The following SPATA31A6 variants were observed in gnomAD, a reference collection of about 807,000 sequenced individuals.
The protein encoded by SPATA31A6 is SPATA31 subfamily A member 6.
In SPATA31A6, 9 loss-of-function variants were observed where a neutral mutation model predicts 11.9. That is an observed-to-expected ratio of 0.76 (90% CI 0.46 to 1.32). SPATA31A6 has a LOEUF of 1.32. Among genes scored for constraint, SPATA31A6 ranks in the 40% most tolerant of loss-of-function variants. SPATA31A6 has a pLI of 0.00. For missense variants in SPATA31A6, 855 were observed against 1,467.3 expected, an observed-to-expected ratio of 0.58 and a Z score of 6.82; for synonymous variants, 314 against 572.1, an observed-to-expected ratio of 0.55 and a Z score of 6.44.
In SPATA31A6 at chr9:42,189,412, C is replaced by T. The variant is rs538812666; in HGVS notation, c.3710C>T (p.Ala1237Val). Residue 1237 changes from alanine (A) to valine (V), a missense_variant, in exon 4 of 4, where the codon GCC becomes GTC. Coordinates refer to ENST00000332857, the MANE Select transcript of SPATA31A6 (RefSeq NM_001145196.1). ...KVNQHKQKFQ[A>V]PVCGFPCNHR... ...AATCAGCACAAACAGAAGTTTCAAG[C>T]CCCAGTCTGTGGGTTTCCCTGCAAC... 1.2e-5 allele frequency: 18 copies of T among 1,564,612 alleles called. No homozygotes were observed. Among genetic ancestry groups the T allele is most frequent in the African/African-American group, 4.7e-5 (3 of 63,566 alleles).
chr9:42,186,546 C>G lies in SPATA31A6; in HGVS notation c.844C>G (p.Arg282Gly). 6.6e-7 allele frequency: 1 copy of G among 1,521,378 alleles called. No individual in the cohort carries two copies. The highest frequency in any genetic ancestry group is 1.2e-5 in the South Asian group (1 of 86,238). The allele number at this position is 1,521,378 out of a possible 1,614,324, so 94.2% of individuals were successfully genotyped here. ...GSNSHVSASS[R>G]WQETARTSCA... Reference sequence around the variant, plus strand: ...AAACAGTCATGTTTCTGCCTCCTCCCGGTGGCAGGAGACTGCCAGAACCTC... The same window carrying G: ...AAACAGTCATGTTTCTGCCTCCTCCGGGTGGCAGGAGACTGCCAGAACCTC... The change falls in exon 4 of 4, where the codon CGG becomes GGG. Residue 282 changes from arginine (R) to glycine (G), a missense_variant. Arg to Gly is a moderately radical substitution (Grantham distance 125). Transcript: ENST00000332857.
Position 42,183,854 on chromosome 9 carries a change from C to T in SPATA31A6, c.167C>T (p.Ser56Leu), listed in dbSNP as rs1197276277. ...TACTTCCATTGTGATGACCCACCCT[C>T]ACCATCGCCTGGGAAGAGAAAGGTA... ...LSYFHCDDPP[S>L]PSPGKRKCPV... Residue 56 changes from serine to leucine, a missense_variant, in exon 1 of 4, where the codon TCA (serine) becomes TTA (leucine). Transcript: ENST00000332857. The T allele has an allele frequency of 3.9e-6, 6 of 1,532,532 alleles. 1 individual carries two copies. Among genetic ancestry groups the T allele is most frequent in the Non-Finnish European group, 5.3e-6 (6 of 1,137,768 alleles). The allele number at this position is 1,532,532 out of a possible 1,614,324, so 94.9% of individuals were successfully genotyped here. A position where few individuals can be genotyped will look rare whatever the true frequency, so the allele number is the denominator to read the frequency against.
At chr9:42,184,960 G>A (rs1829417746) in intron 1 of SPATA31A6, 109 bp from the exon 2 acceptor site, 6 of 1,394,954 alleles carry the variant, frequency 4.3e-6, no homozygotes, top group Non-Finnish European at 5.9e-6. Flanking sequence ...CTGCGGCTGG[G>A]CTGGAGCAGA....
Position 42,183,836 on chromosome 9 carries a change from A to C in SPATA31A6, c.149A>C (p.His50Pro), listed in dbSNP as rs2261048. 2.8e-5 allele frequency: 43 copies of C among 1,530,464 alleles called. 5 individuals are homozygous for C. In the East Asian group the frequency reaches 8.9e-4, roughly 32 times the overall value. The allele number at this position is 1,530,464 out of a possible 1,614,324, so 94.8% of individuals were successfully genotyped here. Residue 50 changes from histidine to proline, a missense_variant, in exon 1 of 4, where the codon CAT becomes CCT. By Grantham distance (77) the His-to-Pro change is moderately conservative. Coordinates refer to ENST00000332857, the MANE Select transcript of SPATA31A6 (RefSeq NM_001145196.1). ...FLLLPYLSYF[H>P]CDDPPSPSPG... ...TTACTCCCCTACTTATCTTACTTCC[A>C]TTGTGATGACCCACCCTCACCATCG... is the stretch of plus-strand genomic sequence containing the variant.
Position 42,187,674 on chromosome 9 carries a change from C to T in SPATA31A6, c.1972C>T (p.Gln658Ter), listed in dbSNP as rs755078183. The T allele has an allele frequency of 3.3e-6, 5 of 1,518,756 alleles. 2 individuals are homozygous for T. The African/African-American group carries it at 8.5e-5, about 26-fold the overall frequency. 94.1% of individuals were successfully genotyped at this position (1,518,756 alleles called of 1,614,324 possible). A position where few individuals can be genotyped will look rare whatever the true frequency, so the allele number is the denominator to read the frequency against. ...CAAGGAGGCACAGAAGGTGAAGTTC[C>T]AGCTAGAGAGGGACCTGTGCCCACA... is the stretch of plus-strand genomic sequence containing the variant. ...SSKEAQKVKF[Q>*]LERDLCPHLG... The change falls in exon 4 of 4, where the codon CAG (glutamine) becomes TAG (stop). Residue 658 changes from glutamine to a stop codon, truncating the protein, a stop_gained. Transcript: ENST00000332857. LOFTEE classifies it low-confidence loss of function (END_TRUNC).
intron 1 of SPATA31A6, among the ~76,000 whole-genome samples, chr9:42,184,561 G>A (rs1409114991): frequency 1.6e-5 from 2 of 121,228 alleles, no homozygotes. Flanking sequence ...ATGGAGTCTC[G>A]CTCTGTGACG....
In SPATA31A6 at chr9:42,186,496, C is replaced by A; in HGVS notation, c.794C>A (p.Pro265Gln). 2 of 1,506,966 alleles carry A rather than the reference C, an allele frequency of 1.3e-6. No individual in the cohort carries two copies. Among genetic ancestry groups the A allele is most frequent in the Non-Finnish European group, 1.8e-6 (2 of 1,129,922 alleles). The allele number at this position is 1,506,966 out of a possible 1,614,324, so 93.3% of individuals were successfully genotyped here. A position where few individuals can be genotyped will look rare whatever the true frequency, so the allele number is the denominator to read the frequency against. Residue 265 changes from proline (P) to glutamine (Q), a missense_variant, in exon 4 of 4, where the codon CCA becomes CAA. Physicochemically the swap from Pro to Gln is moderately conservative, Grantham distance 76 (BLOSUM62 -1). Transcript: ENST00000332857. ...CATGAGGATTTGGTGGCTTCTGTCCCAGCCATCTCAGGCCTTGGTGGCTCA... is the reference window on the plus strand; with the variant it reads ...CATGAGGATTTGGTGGCTTCTGTCCAAGCCATCTCAGGCCTTGGTGGCTCA... ...SPHEDLVASVPAISGLGGSNS... is the reference protein window; with the variant it reads ...SPHEDLVASVQAISGLGGSNS...
intron 3 of SPATA31A6, 90 bp downstream of exon 3, chr9:42,185,845 G>A: frequency 1.6e-6 from 2 of 1,230,278 alleles, no homozygotes; most frequent in African/African-American, 3.8e-5. Context: ...CCTGGGATGG[G>A]GAGACCAGGG....
intron 1 of SPATA31A6, among the ~76,000 whole-genome samples, chr9:42,184,175 C>A (rs1279585361): frequency 7.3e-6 from 1 of 137,622 alleles, no homozygotes; most frequent in Non-Finnish European, 1.6e-5. Context: ...GGTCTCTGTC[C>A]GAGACCAGGC....
chr9:42,189,258 C>T lies in SPATA31A6; in HGVS notation c.3556C>T (p.Gln1186Ter). ...SKPAPVTAESQKTVKNRSCVY... is the reference protein window; with the variant it reads ...SKPAPVTAES ...GCCAGCACCAGTCACTGCTGAGAGC[C>T]AAAAAACAGTAAAAAACAGATCATG... The change falls in exon 4 of 4, where the codon CAA (glutamine) becomes TAA (stop). Residue 1186 changes from glutamine (Q) to a stop codon, truncating the protein, a stop_gained. Transcript: ENST00000332857. LOFTEE classifies it low-confidence loss of function (END_TRUNC). 1 of 1,559,164 alleles carries T rather than the reference C, an allele frequency of 6.4e-7. No homozygotes were observed. The highest frequency in any genetic ancestry group is 1.5e-5 in the African/African-American group (1 of 65,448).
In SPATA31A6 at chr9:42,185,708, C is replaced by T. The variant is rs756553560; in HGVS notation, c.261C>T (p.Cys87=). The change falls in exon 3 of 4, where the codon TGC becomes TGT. Residue 87 remains cysteine (C), a synonymous_variant. Coordinates refer to ENST00000332857, the MANE Select transcript of SPATA31A6 (RefSeq NM_001145196.1). ...KNHSLRAGRE[C]PRGLEETSDL... The stretch of plus-strand genomic sequence containing the variant: ...CCTGATTTCCAGCTGGTAGAGAGTG[C>T]CCGAGAGGCCTGGAGGAGACTTCGG... 14 of 1,415,450 alleles carry T rather than the reference C, an allele frequency of 9.9e-6. 4 individuals are homozygous for T. In the African/African-American group the frequency reaches 1.9e-4, roughly 19 times the overall value. The allele number at this position is 1,415,450 out of a possible 1,614,324, so 87.7% of individuals were successfully genotyped here. A position where few individuals can be genotyped will look rare whatever the true frequency, so the allele number is the denominator to read the frequency against.
In SPATA31A6 at chr9:42,189,210, AT is replaced by A. The variant is rs757614687; in HGVS notation, c.3514del (p.Ser1172GlnfsTer18). 1.3e-6 allele frequency: 2 copies of A among 1,542,450 alleles called. 1 individual carries two copies. The highest frequency in any genetic ancestry group is 3.5e-5 in the Admixed American group (2 of 56,826). On this transcript the variant is annotated frameshift_variant, in exon 4 of 4. Transcript: ENST00000332857. LOFTEE classifies it low-confidence loss of function (END_TRUNC). Reference sequence around the variant, plus strand: ...AAACATCAAGCAATTTTTTCAGTGGATTTTTTCAAAGAAAAAAAGCAAGCCA... The same window carrying A: ...AAACATCAAGCAATTTTTTCAGTGGATTTTTCAAAGAAAAAAAGCAAGCCA... ...GENIKQFFQW[I>X]FSKKKSKPAP...
At chr9:42,185,961 TC>T (rs1829438707) in intron 3 of SPATA31A6, 49 bp from the exon 4 acceptor site, 5 of 1,472,710 alleles carry the variant, frequency 3.4e-6, no homozygotes, top group Non-Finnish European at 4.5e-6. Flanking sequence ...CACTCTGCCC[TC>T]CGGCCCCACC....
intron 2 of SPATA31A6, 62 bp from the exon 3 acceptor site, chr9:42,185,633 C>A: frequency 7.0e-7 from 1 of 1,425,320 alleles, no homozygotes; most frequent in Admixed American, 1.8e-5. Flanking sequence ...AACAGCCACT[C>A]AGCCTCCTGT....
chr9:42,184,511 AT>A (rs1327124364), intron 1 of SPATA31A6, among the ~76,000 whole-genome samples: 1 of 109,526 alleles, frequency 9.1e-6, no homozygotes, highest in Non-Finnish European at 1.8e-5. Context: ...GTGTTATTTT[AT>A]TTTATTTTAT....
At position 42,185,648 on chromosome 9, in the gene SPATA31A6, T is replaced by A. The variant is rs566451608; in HGVS notation, c.248-47T>A. 657 of 1,463,712 alleles carry A rather than the reference T, an allele frequency of 4.5e-4. 108 individuals carry two copies. The African/African-American group carries it at 7.8e-3, about 17-fold the overall frequency. The allele number at this position is 1,463,712 out of a possible 1,614,324, so 90.7% of individuals were successfully genotyped here. On this transcript the variant is annotated intron_variant, in intron 2 of 3. Transcript: ENST00000332857. ...AACAGCCACTCAGCCTCCTGTGAGA[T>A]CCCAGGCCCCTCCCTCACTGCCCTA...
Position 42,184,671 on chromosome 9 carries a change from C to T in SPATA31A6, c.190-398C>T, listed in dbSNP as rs559798450. Among the ~76,000 whole-genome samples, 53 of 135,506 alleles carry T rather than the reference C, an allele frequency of 3.9e-4. 6 individuals carry two copies. Among genetic ancestry groups the T allele is most frequent in the South Asian group, 1.9e-3 (8 of 4,250 alleles). 88.9% of individuals were successfully genotyped at this position (135,506 alleles called of 152,430 possible). A position where few individuals can be genotyped will look rare whatever the true frequency, so the allele number is the denominator to read the frequency against. On this transcript the variant is annotated intron_variant, in intron 1 of 3. Transcript: ENST00000332857. The stretch of plus-strand genomic sequence containing the variant: ...TAGCGTCCTGAATAGCTGGGGATTA[C>T]AGGCGCCCACCACCATGCCTGCCTA...
In SPATA31A6 at chr9:42,185,486, G is replaced by A. The variant is rs1829429454; in HGVS notation, c.248-209G>A. 3.5e-6 allele frequency: 3 copies of A among 847,618 alleles called. 1 individual carries two copies. Among genetic ancestry groups the A allele is most frequent in the East Asian group, 2.9e-5 (1 of 34,002 alleles). 52.5% of individuals were successfully genotyped at this position (847,618 alleles called of 1,614,324 possible). On this transcript the variant is annotated intron_variant, in intron 2 of 3. Transcript: ENST00000332857. ...GGCAGTTGTGAGGACTGTGGGGGTG[G>A]GGGGTCCGTGTGTGGAAGCCTGTTG...
rs1390544524 is a variant in SPATA31A6 at position 42,184,720 on chromosome 9, G to A, written c.190-349G>A. On this transcript the variant is annotated intron_variant, in intron 1 of 3. Transcript: ENST00000332857. ...TAATTTTTGTATTTTTAGTAGAGAC[G>A]GGGTTTCACCATGGCCAGGCTGGTC... Among the ~76,000 whole-genome samples, 4 of 135,190 alleles carry A rather than the reference G, an allele frequency of 3.0e-5. 1 individual carries two copies. Among genetic ancestry groups the A allele is most frequent in the Admixed American group, 7.3e-5 (1 of 13,638 alleles). The allele number at this position is 135,190 out of a possible 152,430, so 88.7% of individuals were successfully genotyped here.
Sources: gnomAD v4.1 joint callset for allele counts (sites outside exome capture counted in the v4.1 genomes callset) on GRCh38, gnomAD v4.1.1 for gene constraint, MANE v1.5 for transcripts, NCBI Gene and HGNC (gene_info 2026-07-23, HGNC 2026-07-21) for gene names.